PTH2R: variants seen among roughly 807,000 people sequenced by gnomAD.
The protein encoded by PTH2R is parathyroid hormone 2 receptor, also known as PTH2 receptor.
In PTH2R, 59 loss-of-function variants were observed where a neutral mutation model predicts 60.3. The observed-to-expected ratio is 0.98, with a 90% confidence interval of 0.79 to 1.22. The LOEUF (loss-of-function observed/expected upper bound fraction) is 1.22. PTH2R is among the 50% of genes most tolerant of loss of function. The pLI, the probability that PTH2R is intolerant of heterozygous loss-of-function variation, is 0.00. For missense variants in PTH2R, 749 were observed against 682.6 expected (o/e 1.10, Z -1.08); for synonymous variants, 256 against 243.8 (o/e 1.05, Z -0.47).
chr2:208,373,902 C>T (rs2125871829), intron 1 of PTH2R, among the ~76,000 whole-genome samples: 1 of 152,154 alleles, frequency 6.6e-6, no homozygotes, highest in East Asian at 1.9e-4. Flanking sequence ...ATATAATTCG[C>T]TTTTTTCCAA....
upstream of PTH2R, among the ~76,000 whole-genome samples, chr2:208,405,237 A>C (rs76628354): frequency 3.3e-5 from 5 of 152,354 alleles, no homozygotes; most frequent in East Asian, 7.7e-4. Flanking sequence ...TGTTTGAAAC[A>C]GTAAAATTAT....
chr2:208,419,745 A>T lies in PTH2R; in HGVS notation c.76-8456A>T, dbSNP rs1701713773. Among the ~76,000 whole-genome samples, 4 of 152,214 alleles carry T rather than the reference A, an allele frequency of 2.6e-5. 1 individual carries two copies. The South Asian group carries it at 8.3e-4, about 32-fold the overall frequency. On this transcript the variant is annotated intron_variant, in intron 1 of 12. Transcript: ENST00000272847. ...CCAGTTCAGCTTTCTACATATGGCT[A>T]GCCAGTTTTCCCAGCACCATTTATT...
intron 1 of PTH2R, among the ~76,000 whole-genome samples, chr2:208,396,683 T>C (rs1311231957): frequency 6.6e-6 from 1 of 152,028 alleles, no homozygotes; most frequent in Non-Finnish European, 1.5e-5. Context: ...TGTGGAGAAA[T>C]AGGAACGCTT....
chr2:208,411,492 A>C (rs1267677810), intron 1 of PTH2R, among the ~76,000 whole-genome samples: 1 of 152,210 alleles, frequency 6.6e-6, no homozygotes, highest in Admixed American at 6.5e-5. Context: ...GACCAGAGGC[A>C]GTGAGATGGA....
intron 2 of PTH2R, 132 bp downstream of exon 2, chr2:208,428,435 C>A: frequency 4.7e-6 from 3 of 643,662 alleles, no homozygotes; most frequent in South Asian, 4.1e-5. Context: ...GAGGGGTGTG[C>A]AGCAGAACAA....
chr2:208,449,940 G>T (rs771768755), intron 7 of PTH2R, among the ~76,000 whole-genome samples: 4 of 151,944 alleles, frequency 2.6e-5, no homozygotes, highest in Non-Finnish European at 4.4e-5. Context: ...CTTTCATAAA[G>T]GCCACATAAT....
chr2:208,390,962 G>T (rs1019504214), intron 1 of PTH2R, among the ~76,000 whole-genome samples: 6 of 152,104 alleles, frequency 3.9e-5, no homozygotes, highest in African/African-American at 1.4e-4. Flanking sequence ...TTGGGCTTTG[G>T]TCCCTTAGCT....
chr2:208,481,038 A>G (rs765721809), intron 9 of PTH2R, 32 bp from the exon 10 acceptor site: 9 of 1,429,808 alleles, frequency 6.3e-6, no homozygotes, highest in African/African-American at 5.7e-5. Flanking sequence ...AAGACTAACA[A>G]TAATTCTTTG....
intron 1 of PTH2R, among the ~76,000 whole-genome samples, chr2:208,387,590 A>T (rs1391373156): frequency 6.6e-6 from 1 of 151,868 alleles, no homozygotes; most frequent in Admixed American, 6.6e-5. Context: ...TTAGAAGTTA[A>T]CCCTCCTTTA....
At chr2:208,490,495 A>T (rs1340496609) in intron 11 of PTH2R, 144 bp from the exon 12 acceptor site, 2 of 632,716 alleles carry the variant, frequency 3.2e-6, no homozygotes, top group South Asian at 5.9e-5. Context: ...AAGGATTTGG[A>T]AACACTAGGA....
In PTH2R at chr2:208,489,030, ACTGGTC is replaced by A; in HGVS notation, c.1104_1109del (p.Leu370_Val371del). 6.2e-7 allele frequency: 1 copy of A among 1,613,936 alleles called. No homozygotes were observed. The highest frequency in any genetic ancestry group is 8.5e-7 in the Non-Finnish European group (1 of 1,179,968). On this transcript the variant is annotated inframe_deletion, in exon 11 of 13. Transcript: ENST00000272847. Reference sequence around the variant, plus strand: ...CCTTTAGGAAACTGGCCAAATCGACACTGGTCCTGGTCCTAGTCTTTGGAGTGCATT... The same window carrying A: ...CCTTTAGGAAACTGGCCAAATCGACACTGGTCCTAGTCTTTGGAGTGCATT...
chr2:208,490,971 T>A (rs973333139), intron 12 of PTH2R, among the ~76,000 whole-genome samples: 1 of 152,240 alleles, frequency 6.6e-6, no homozygotes, highest in Admixed American at 6.5e-5. Flanking sequence ...ATATTCTGGT[T>A]AATACTTAAA....
intron 2 of PTH2R, among the ~76,000 whole-genome samples, chr2:208,436,425 T>A (rs1317797348): frequency 6.6e-6 from 1 of 152,118 alleles, no homozygotes; most frequent in Non-Finnish European, 1.5e-5. Flanking sequence ...AAAGAAAGTG[T>A]GAAGCAGGTT....
intron 9 of PTH2R, among the ~76,000 whole-genome samples, chr2:208,470,312 T>TG (rs1361733762): frequency 6.6e-6 from 1 of 152,232 alleles, no homozygotes; most frequent in East Asian, 1.9e-4. Context: ...CAGCATCCAG[T>TG]GATAGGTGAT....
At chr2:208,372,408 G>T (rs1020096879) in intron 1 of PTH2R, among the ~76,000 whole-genome samples, 1 of 152,030 alleles carries the variant, frequency 6.6e-6, no homozygotes, top group African/African-American at 2.4e-5. Context: ...ACTATTCTAG[G>T]TCATGGAAGT....
upstream of PTH2R, among the ~76,000 whole-genome samples, chr2:208,406,529 C>T (rs1441148979): frequency 6.6e-6 from 1 of 152,194 alleles, no homozygotes; most frequent in African/African-American, 2.4e-5. Context: ...GAAGAAACTT[C>T]TGGATCACTC....
At chr2:208,433,088 A>G (rs1702005212) in intron 2 of PTH2R, among the ~76,000 whole-genome samples, 1 of 152,264 alleles carries the variant, frequency 6.6e-6, no homozygotes, top group South Asian at 2.1e-4. Context: ...GGTCAAGATA[A>G]GCAAGTGTGC....
chr2:208,400,688 T>C (rs1701292227), intron 1 of PTH2R, among the ~76,000 whole-genome samples: 2 of 152,192 alleles, frequency 1.3e-5, no homozygotes, highest in Non-Finnish European at 2.9e-5. Context: ...GACAATAACT[T>C]AATTTTATCT....
intron 1 of PTH2R, among the ~76,000 whole-genome samples, chr2:208,419,252 T>C (rs1418478096): frequency 1.3e-5 from 2 of 152,362 alleles, no homozygotes; most frequent in South Asian, 2.1e-4. Flanking sequence ...GGTTTTGATT[T>C]GCATTTCTCT....
Sources: allele counts gnomAD v4.1 joint callset (sites outside exome capture counted in the v4.1 genomes callset), GRCh38; gene constraint gnomAD v4.1.1; transcripts MANE v1.5; gene names NCBI Gene and HGNC (gene_info 2026-07-23, HGNC 2026-07-21).